Variants in CDH4 observed in about 807,000 individuals in gnomAD.
CDH4 encodes cadherin 4.
CDH4 carries 33 observed loss-of-function variants against 86.0 expected under a neutral mutation model. The observed-to-expected ratio is 0.38, with a 90% CI of 0.29 to 0.51. The LOEUF (loss-of-function observed/expected upper bound fraction) is 0.51. Among genes scored for constraint, CDH4 ranks in the 20% least tolerant of loss-of-function variants. CDH4 has a pLI of 0.86. For missense variants in CDH4, 1,114 were observed against 1,307.4 expected, an observed-to-expected ratio of 0.85 and a Z score of 2.28; for synonymous variants, 555 against 549.4, an observed-to-expected ratio of 1.01 and a Z score of -0.14.
intron 2 of CDH4, among the ~76,000 whole-genome samples, chr20:61,484,739 C>T (rs1227759176): frequency 6.6e-6 from 1 of 151,538 alleles, no homozygotes; most frequent in Admixed American, 6.5e-5. Flanking sequence ...CATGACCCTT[C>T]ACACCTGAAC....
chr20:61,775,017 T>A (rs1255681143), intron 4 of CDH4, among the ~76,000 whole-genome samples: 1 of 152,176 alleles, frequency 6.6e-6, no homozygotes, highest in Non-Finnish European at 1.5e-5. Flanking sequence ...AGAGAATGAC[T>A]TCTGTTCCTT....
At chr20:61,682,463 GGATGGATGGATGGACA>G (rs1045672194) in intron 2 of CDH4, among the ~76,000 whole-genome samples, 2 of 148,944 alleles carry the variant, frequency 1.3e-5, no homozygotes, top group African/African-American at 2.5e-5. Flanking sequence ...AGGGAGGGAG[GGATGGATGGATGGACA>G]GATGGATGGA....
rs1301918431 is a variant in CDH4 at position 61,922,756 on chromosome 20, TTCTC to T, written c.1375-691_1375-688del. Among the ~76,000 whole-genome samples, 5 of 152,160 alleles carry T rather than the reference TTCTC, an allele frequency of 3.3e-5. No homozygotes were observed. The South Asian group carries it at 8.3e-4, about 25-fold the overall frequency. ...GTGTGTCTCAAATATCCCTCTCCCTTTCTCTCTGTTTTGAAATTTTGGAGAGCCT... is the reference window on the plus strand; with the variant it reads ...GTGTGTCTCAAATATCCCTCTCCCTTTCTGTTTTGAAATTTTGGAGAGCCT... On this transcript the variant is annotated intron_variant, in intron 9 of 15. Coordinates refer to ENST00000614565, the MANE Select transcript of CDH4 (RefSeq NM_001794.5).
chr20:61,762,227 G>A (rs977723831), intron 3 of CDH4, among the ~76,000 whole-genome samples: 3 of 152,278 alleles, frequency 2.0e-5, no homozygotes, highest in East Asian at 3.9e-4. Flanking sequence ...ACACAGTCAC[G>A]AGGCATGTTG....
chr20:61,382,659 G>A (rs1452931898), intron 2 of CDH4, among the ~76,000 whole-genome samples: 1 of 152,184 alleles, frequency 6.6e-6, no homozygotes, highest in African/African-American at 2.4e-5. Context: ...AAGCTTCCGG[G>A]GAGGCCCCTG....
At chr20:61,660,613 C>T (rs919219706) in intron 2 of CDH4, among the ~76,000 whole-genome samples, 14 of 152,060 alleles carry the variant, frequency 9.2e-5, no homozygotes, top group Non-Finnish European at 1.5e-5. Flanking sequence ...ACGGGGCGGT[C>T]GTTCCCGGCA....
chr20:61,778,657 A>G (rs1029705348), intron 4 of CDH4, among the ~76,000 whole-genome samples: 68 of 152,046 alleles, frequency 4.5e-4, no homozygotes, highest in Non-Finnish European at 9.1e-4. Context: ...GAGGAGGTGT[A>G]CCCACACCGC....
chr20:61,339,732 G>A (rs1386421607), intron 2 of CDH4, among the ~76,000 whole-genome samples: 3 of 152,162 alleles, frequency 2.0e-5, no homozygotes, highest in Non-Finnish European at 2.9e-5. Context: ...CCAGACCTGT[G>A]CCATGGACAC....
chr20:61,703,871 A>G lies in CDH4; in HGVS notation c.170-39692A>G, dbSNP rs1012499833. Among the ~76,000 whole-genome samples, 2 of 152,218 alleles carry G rather than the reference A, an allele frequency of 1.3e-5. No individual in the cohort carries two copies. The highest frequency in any genetic ancestry group is 3.8e-4 in the East Asian group (2 of 5,196). ...CTTTACCTTGTATTTTCATTTGGAA[A>G]TATTAATTGTGACCTTTCAGAACTC... On this transcript the variant is annotated intron_variant, in intron 2 of 15. Coordinates refer to ENST00000614565, the MANE Select transcript of CDH4 (RefSeq NM_001794.5). This position sits in a 1 kb window ranked among gnomAD's most constrained non-coding sequence, Gnocchi z 4.3.
Position 61,773,302 on chromosome 20 carries a change from C to G in CDH4, c.576+120C>G, listed in dbSNP as rs1732336187. 9 of 984,988 alleles carry G rather than the reference C, an allele frequency of 9.1e-6. No homozygotes were observed. The South Asian group carries it at 1.6e-4, about 18-fold the overall frequency. The allele number at this position is 984,988 out of a possible 1,614,324, so 61.0% of individuals were successfully genotyped here. Reference sequence around the variant, plus strand: ...GGTGTCTGAGAAGGTCGCGATTTCACCCTTTCTGTAATGAGATAAGCCTTA... The same window carrying G: ...GGTGTCTGAGAAGGTCGCGATTTCAGCCTTTCTGTAATGAGATAAGCCTTA... On this transcript the variant is annotated intron_variant, in intron 4 of 15. Coordinates refer to ENST00000614565, the MANE Select transcript of CDH4 (RefSeq NM_001794.5).
intron 2 of CDH4, among the ~76,000 whole-genome samples, chr20:61,357,171 G>A (rs2084754970): frequency 6.6e-6 from 1 of 152,226 alleles, no homozygotes; most frequent in South Asian, 2.1e-4. Context: ...GTGTTGAGCT[G>A]AAACCTGCCT....
chr20:61,737,205 T>A (rs2088276568), intron 2 of CDH4, among the ~76,000 whole-genome samples: 1 of 152,104 alleles, frequency 6.6e-6, no homozygotes, highest in Non-Finnish European at 1.5e-5. Flanking sequence ...CCCTGGAGGA[T>A]GAAAGATGGA....
chr20:61,433,721 G>C (rs1017325147), intron 2 of CDH4, among the ~76,000 whole-genome samples: 38 of 152,176 alleles, frequency 2.5e-4, no homozygotes, highest in Admixed American at 6.5e-4. Context: ...GTCGGTCCCT[G>C]AGAGCTTTCC....
chr20:61,780,359 A>G (rs917068511), intron 4 of CDH4, among the ~76,000 whole-genome samples: 10 of 152,256 alleles, frequency 6.6e-5, no homozygotes, highest in Admixed American at 1.3e-4. Context: ...GACCCATCAG[A>G]GGCCTTCCCA....
intron 10 of CDH4, among the ~76,000 whole-genome samples, 178 bp downstream of exon 10, chr20:61,923,882 C>T (rs557241622): frequency 6.6e-6 from 1 of 152,200 alleles, no homozygotes; most frequent in Non-Finnish European, 1.5e-5. Flanking sequence ...CCCAGATAGC[C>T]AGATGCAGCC....
At chr20:61,387,969 T>C (rs1242869417) in intron 2 of CDH4, among the ~76,000 whole-genome samples, 1 of 152,188 alleles carries the variant, frequency 6.6e-6, no homozygotes, top group Non-Finnish European at 1.5e-5. Flanking sequence ...AAAAGGTATC[T>C]CTATTTTTGG....
chr20:61,732,253 T>C (rs1165346012), intron 2 of CDH4, among the ~76,000 whole-genome samples: 1 of 152,204 alleles, frequency 6.6e-6, no homozygotes, highest in African/African-American at 2.4e-5. Context: ...GGTGAAGTGA[T>C]GGACATGAAC....
chr20:61,816,880 G>T (rs1407540911), intron 4 of CDH4, among the ~76,000 whole-genome samples: 1 of 152,160 alleles, frequency 6.6e-6, no homozygotes, highest in Non-Finnish European at 1.5e-5. Context: ...ACGCTCAGGG[G>T]TCATTTATGT....
chr20:61,574,716 C>G (rs977862315), intron 2 of CDH4, among the ~76,000 whole-genome samples: 1 of 152,126 alleles, frequency 6.6e-6, no homozygotes, highest in African/African-American at 2.4e-5. Context: ...GGCCTCTCCA[C>G]AGGTTGGGGG....
Sources: gnomAD v4.1 joint callset for allele counts (sites outside exome capture counted in the v4.1 genomes callset) on GRCh38, gnomAD v4.1.1 for gene constraint, Gnocchi (gnomAD v3.1) non-coding constraint, MANE v1.5 for transcripts, NCBI Gene and HGNC (gene_info 2026-07-23, HGNC 2026-07-21) for gene names.